KDM4B: variants seen among roughly 807,000 people sequenced by gnomAD.
The protein encoded by KDM4B is lysine-specific demethylase 4B.
KDM4B carries 32 observed loss-of-function variants against 125.2 expected under a neutral mutation model. That is an observed-to-expected ratio of 0.26 (90% CI 0.19 to 0.34). The LOEUF (loss-of-function observed/expected upper bound fraction) is 0.34, where lower values mean the gene tolerates loss of function less well. KDM4B is among the 10% of genes least tolerant of loss of function. The probability of loss-of-function intolerance (pLI) is 1.00; values close to 1 mark genes in which losing one functional copy is unlikely to be tolerated. For missense variants in KDM4B, 1,190 were observed against 1,577.7 expected (o/e 0.75, Z 4.16); for synonymous variants, 721 against 677.9 (o/e 1.06, Z -0.99).
intron 9 of KDM4B, among the ~76,000 whole-genome samples, chr19:5,109,905 T>C (rs1463838031): frequency 6.6e-6 from 1 of 152,220 alleles, no homozygotes; most frequent in Non-Finnish European, 1.5e-5. Context: ...TGTTATAAAA[T>C]ACTCCGTATC....
intron 10 of KDM4B, among the ~76,000 whole-genome samples, chr19:5,119,433 C>G (rs986661346): frequency 6.6e-6 from 1 of 152,180 alleles, no homozygotes; most frequent in Admixed American, 6.5e-5. Context: ...TCCATTGCCC[C>G]GTCTCCCTTT....
At chr19:5,126,294 C>T (rs1002300743) in intron 11 of KDM4B, among the ~76,000 whole-genome samples, 1 of 152,108 alleles carries the variant, frequency 6.6e-6, no homozygotes, top group African/African-American at 2.4e-5. Flanking sequence ...CTGGGAAGAG[C>T]GGCCGCCCTA....
At chr19:5,062,343 C>A (rs1480334486) in intron 6 of KDM4B, among the ~76,000 whole-genome samples, 1 of 152,278 alleles carries the variant, frequency 6.6e-6, no homozygotes, top group Non-Finnish European at 1.5e-5. Context: ...GGCGACCCAT[C>A]CTCCTGGGGT....
intron 2 of KDM4B, among the ~76,000 whole-genome samples, chr19:5,023,873 C>A (rs542222220): frequency 6.8e-6 from 1 of 146,436 alleles, no homozygotes; most frequent in African/African-American, 2.5e-5. Flanking sequence ...AAGGAATCCT[C>A]CTGCCTCAGC....
chr19:5,001,477 G>C (rs1158577514), intron 1 of KDM4B, among the ~76,000 whole-genome samples: 1 of 152,184 alleles, frequency 6.6e-6, no homozygotes, highest in Non-Finnish European at 1.5e-5. Flanking sequence ...TCCACCCAGT[G>C]TCTCTCCTGC....
intron 2 of KDM4B, among the ~76,000 whole-genome samples, chr19:5,025,221 C>A (rs2036241815): frequency 6.6e-6 from 1 of 152,238 alleles, no homozygotes; most frequent in Admixed American, 6.5e-5. Flanking sequence ...GTGGCTCACG[C>A]CTATAATCCC....
intron 10 of KDM4B, chr19:5,113,279 C>T (rs1335059681): frequency 6.6e-6 from 1 of 152,134 alleles, no homozygotes; most frequent in East Asian, 1.9e-4. Context: ...ATGAAGTCAG[C>T]TTCCCAAGGA....
At chr19:5,092,186 G>A (rs987536592) in intron 9 of KDM4B, among the ~76,000 whole-genome samples, 28 of 152,166 alleles carry the variant, frequency 1.8e-4, no homozygotes, top group Non-Finnish European at 2.9e-4. Context: ...AGAAGGCCTC[G>A]TTTAGTCTCT....
chr19:5,057,486 C>A (rs1035207318), intron 6 of KDM4B, among the ~76,000 whole-genome samples: 1 of 152,216 alleles, frequency 6.6e-6, no homozygotes, highest in African/African-American at 2.4e-5. Context: ...CTGCGAAAGA[C>A]CTATCATCTC....
chr19:5,049,730 C>T lies in KDM4B; in HGVS notation c.626+2061C>T, dbSNP rs552473103. On this transcript the variant is annotated intron_variant, in intron 6 of 22. Coordinates refer to ENST00000159111, the MANE Select transcript of KDM4B (RefSeq NM_015015.3). ...ACCAGGTGACCCCAGCATTAGCCAACGTCTACTACGGGCTATCAGTCCTCC... is the reference window on the plus strand; with the variant it reads ...ACCAGGTGACCCCAGCATTAGCCAATGTCTACTACGGGCTATCAGTCCTCC... Among the ~76,000 whole-genome samples the T allele has an allele frequency of 4.6e-4, 70 of 152,272 alleles. 1 individual carries two copies. The South Asian group carries it at 0.012, about 26-fold the overall frequency.
intron 2 of KDM4B, among the ~76,000 whole-genome samples, chr19:5,019,832 A>G (rs62649769): frequency 0.91 from 121,748 of 134,406 alleles, 55,585 homozygotes; most frequent in African/African-American, 0.94. Context: ...CGGTGTGCAG[A>G]TGTTGGTGTG....
At chr19:5,032,441 CA>C (rs2036487446) in intron 2 of KDM4B, among the ~76,000 whole-genome samples, 1 of 152,236 alleles carries the variant, frequency 6.6e-6, no homozygotes, top group Non-Finnish European at 1.5e-5. Flanking sequence ...GTGTGACCCT[CA>C]CCCATGGCCG....
intron 6 of KDM4B, among the ~76,000 whole-genome samples, chr19:5,048,648 A>G (rs995010362): frequency 1.3e-5 from 2 of 152,064 alleles, no homozygotes; most frequent in Non-Finnish European, 2.9e-5. Flanking sequence ...AAAAAAAAGC[A>G]CAATGAGCAG....
At position 5,110,626 on chromosome 19, in the gene KDM4B, C is replaced by T. The variant is rs1568303558; in HGVS notation, c.923C>T (p.Thr308Met). The change falls in exon 10 of 23, where the codon ACG becomes ATG. Residue 308 changes from threonine to methionine, a missense_variant. Transcript: ENST00000159111. Reference protein sequence around the residue: ...IDYGKVATQCTCRKDMVKISM... With the variant: ...IDYGKVATQCMCRKDMVKISM... ...AGACCGTGTCCCCTGCCGCAGTGCA[C>T]GTGCCGGAAGGACATGGTCAAGATC... 6.2e-7 allele frequency: 1 copy of T among 1,612,878 alleles called. No individual in the cohort carries two copies. The highest frequency in any genetic ancestry group is 8.5e-7 in the Non-Finnish European group (1 of 1,179,850).
chr19:5,133,244 G>A (rs1182992077), intron 13 of KDM4B, among the ~76,000 whole-genome samples: 1 of 152,192 alleles, frequency 6.6e-6, no homozygotes, highest in African/African-American at 2.4e-5. Flanking sequence ...AGAGACCGCC[G>A]CGGCTTCTCA....
chr19:5,110,417 A>G (rs1300122773), intron 9 of KDM4B, among the ~76,000 whole-genome samples: 1 of 152,162 alleles, frequency 6.6e-6, no homozygotes, highest in African/African-American at 2.4e-5. Context: ...GGCTACAATG[A>G]GCCATGATTG....
Position 5,047,564 on chromosome 19 carries a change from C to T in KDM4B, c.521C>T (p.Thr174Met), listed in dbSNP as rs1252117669. ...GGCACCATCATCGAGGGCGTGAACA[C>T]GCCCTACCTGTACTTCGGCATGTGG... Reference protein sequence around the residue: ...ECGTIIEGVNTPYLYFGMWKT... With the variant: ...ECGTIIEGVNMPYLYFGMWKT... Residue 174 changes from threonine to methionine, a missense_variant, in exon 6 of 23, where the codon ACG (threonine) becomes ATG (methionine). Thr to Met is a moderately conservative substitution (Grantham distance 81). This residue lies in a region of KDM4B where 75 missense variants were observed against 218.2 expected (regional missense o/e 0.34). Coordinates refer to ENST00000159111, the MANE Select transcript of KDM4B (RefSeq NM_015015.3). 1 of 1,613,872 alleles carries T rather than the reference C, an allele frequency of 6.2e-7. No homozygotes were observed. Among genetic ancestry groups the T allele is most frequent in the Non-Finnish European group, 8.5e-7 (1 of 1,179,946 alleles).
Position 5,133,979 on chromosome 19 carries a change from A to T in KDM4B, c.2003A>T (p.Gln668Leu), listed in dbSNP as rs2039604094. 6.2e-7 allele frequency: 1 copy of T among 1,612,600 alleles called. No individual in the cohort carries two copies. Among genetic ancestry groups the T allele is most frequent in the African/African-American group, 1.3e-5 (1 of 75,054 alleles). Reference protein sequence around the residue: ...LQWKNRAASFQAERKFNAAAA... With the variant: ...LQWKNRAASFLAERKFNAAAA... ...TGGAAGAACAGGGCGGCCAGCTTCCAGGCCGAGAGGAAGTTCAACGCAGCG... is the reference window on the plus strand; with the variant it reads ...TGGAAGAACAGGGCGGCCAGCTTCCTGGCCGAGAGGAAGTTCAACGCAGCG... Residue 668 changes from glutamine to leucine, a missense_variant, in exon 14 of 23, where the codon CAG (glutamine) becomes CTG (leucine). By Grantham distance (113) the Gln-to-Leu change is moderately radical. Transcript: ENST00000159111.
intron 9 of KDM4B, among the ~76,000 whole-genome samples, chr19:5,099,142 G>T (rs1019718380): frequency 2.0e-5 from 3 of 152,234 alleles, no homozygotes; most frequent in Non-Finnish European, 2.9e-5. Context: ...GGAGAGGATT[G>T]CAGGGCACCA....
Sources: allele counts gnomAD v4.1 joint callset (sites outside exome capture counted in the v4.1 genomes callset), GRCh38; gene constraint gnomAD v4.1.1; regional missense constraint gnomAD v4.1.1; transcripts MANE v1.5; gene names NCBI Gene and HGNC (gene_info 2026-07-23, HGNC 2026-07-21).